The following ADAMTS10 variants were observed in gnomAD, a reference collection of about 807,000 sequenced individuals.
ADAMTS10 encodes the protein A disintegrin and metalloproteinase with thrombospondin motifs 10.
ADAMTS10 carries 48 observed loss-of-function variants against 135.9 expected under a neutral mutation model. That is an observed-to-expected ratio of 0.35 (90% confidence interval 0.28 to 0.45). The LOEUF is 0.45. Among genes scored for constraint, ADAMTS10 ranks in the 20% least tolerant of loss-of-function variants. The pLI is 1.00. For synonymous variants in ADAMTS10, 621 were observed against 647.5 expected, an observed-to-expected ratio of 0.96 and a Z score of 0.62; for missense variants, 1,131 against 1,565.2, an observed-to-expected ratio of 0.72 and a Z score of 4.68.
chr19:8,584,154 C>CAAAAAAAAAAAAAAAAAAAAAAACAA (rs34412373), intron 25 of ADAMTS10, among the ~76,000 whole-genome samples: 1 of 44,892 alleles, frequency 2.2e-5, no homozygotes, highest in Non-Finnish European at 4.2e-5. Context: ...GACTCCATCT[C>CAAAAAAAAAAAAAAAAAAAAAAACAA]AAAAAAAAAA....
rs1435631185 is a variant in ADAMTS10, at chr19:8,585,080, T to A, written c.3043-26A>T. On this transcript the variant is annotated intron_variant, in intron 24 of 25. Transcript: ENST00000597188. The stretch of plus-strand genomic sequence containing the variant: ...CTGCGAGGGGGCACCACTCAGTTGC[T>A]GCCCCGCAGCCCCTGCCCTGGCCCC... The A allele has an allele frequency of 6.0e-6, 9 of 1,498,036 alleles. No homozygotes were observed. The Admixed American group carries it at 1.9e-4, about 32-fold the overall frequency. 92.8% of individuals were successfully genotyped at this position (1,498,036 alleles called of 1,614,324 possible).
rs1555741928 is a variant in ADAMTS10 at position 8,603,745 on chromosome 19, G to C, written c.575C>G (p.Thr192Arg). 6.2e-7 allele frequency: 1 copy of C among 1,614,188 alleles called. No individual in the cohort carries two copies. The highest frequency in any genetic ancestry group is 8.5e-7 in the Non-Finnish European group (1 of 1,180,020). Residue 192 changes from threonine (T) to arginine (R), a missense_variant, in exon 5 of 26, where the codon ACA (threonine) becomes AGA (arginine). This residue lies in a region of ADAMTS10 where 306 missense variants were observed against 344.4 expected (regional missense o/e 0.89). Transcript: ENST00000597188. ...CGATGTACCTCTCACTCCACAGGCT[G>C]TGTCCAGGTGGGGGTGACGCAGAGA... is the stretch of plus-strand genomic sequence containing the variant. ...RSSLRHPHLD[T>R]ACGVRDEKPW...
intron 5 of ADAMTS10, 137 bp downstream of exon 5, chr19:8,603,591 T>C (rs1568406283): frequency 7.4e-7 from 1 of 1,348,186 alleles, no homozygotes; most frequent in Non-Finnish European, 1.0e-6. Flanking sequence ...CATAATTATA[T>C]CACTGTGTCC....
intron 25 of ADAMTS10, among the ~76,000 whole-genome samples, chr19:8,584,025 C>T (rs1402721372): frequency 4.0e-5 from 6 of 149,334 alleles, no homozygotes; most frequent in Non-Finnish European, 7.4e-5. Flanking sequence ...GGTGTGGTGG[C>T]GGGCACCTGT....
Position 8,589,587 on chromosome 19 carries a change from TG to T in ADAMTS10, c.1901-3del. ...TGAGCGAGCAGGCCTTCACGCCCCC[TG>T]GGGGGCACGGCCCCGTCACACCACG... On this transcript the variant is annotated splice_polypyrimidine_tract_variant and splice_region_variant and intron_variant, in intron 16 of 25. Transcript: ENST00000597188. 3 of 1,613,212 alleles carry T rather than the reference TG, an allele frequency of 1.9e-6. No homozygotes were observed. Among genetic ancestry groups the T allele is most frequent in the South Asian group, 2.2e-5 (2 of 91,080 alleles).
Position 8,605,441 on chromosome 19 carries a change from T to C in ADAMTS10, c.89-83A>G. ...CTGGCTGTTAGGCTGCTGGAGCAAG[T>C]GATGCTGGCCTCACTGACCCCCGAA... On this transcript the variant is annotated intron_variant, in intron 3 of 25. Transcript: ENST00000597188. The surrounding 1 kb of genome is among the most constrained non-coding windows in gnomAD (Gnocchi z 7.7). 1 of 1,490,730 alleles carries C rather than the reference T, an allele frequency of 6.7e-7. No individual in the cohort carries two copies. Among genetic ancestry groups the C allele is most frequent in the Non-Finnish European group, 9.1e-7 (1 of 1,096,654 alleles). 92.3% of individuals were successfully genotyped at this position (1,490,730 alleles called of 1,614,324 possible).
intron 19 of ADAMTS10, 30 bp from the exon 20 acceptor site, chr19:8,586,751 A>C: frequency 1.2e-6 from 2 of 1,614,032 alleles, no homozygotes; most frequent in Non-Finnish European, 1.7e-6. Context: ...TCAGAATTCT[A>C]GTCATGCTGA....
chr19:8,601,250 A>G lies in ADAMTS10; in HGVS notation c.593-105T>C. On this transcript the variant is annotated intron_variant, in intron 5 of 25. Transcript: ENST00000597188. This position sits in a 1 kb window ranked among gnomAD's most constrained non-coding sequence, Gnocchi z 4.6. ...CTGACTGGCTACCTCTCTACCCAAC[A>G]GTCTGGACAGACAATTTCTGGTCAT... The G allele has an allele frequency of 2.1e-5, 26 of 1,256,326 alleles. No individual in the cohort carries two copies. The highest frequency in any genetic ancestry group is 2.9e-5 in the Non-Finnish European group (26 of 891,668). 77.8% of individuals were successfully genotyped at this position (1,256,326 alleles called of 1,614,324 possible).
At chr19:8,592,691 C>T (rs2042555098) in intron 13 of ADAMTS10, 72 bp downstream of exon 13, 2 of 1,422,138 alleles carry the variant, frequency 1.4e-6, no homozygotes, top group South Asian at 2.4e-5. Flanking sequence ...GAAGGACAGG[C>T]GGGTAGGCGT....
chr19:8,581,728 G>C (rs994354907), intron 25 of ADAMTS10, among the ~76,000 whole-genome samples: 1 of 151,490 alleles, frequency 6.6e-6, no homozygotes, highest in African/African-American at 2.4e-5. Context: ...CCAGCTACTC[G>C]ACAGCCTGAG....
At position 8,596,885 on chromosome 19, in the gene ADAMTS10, C is replaced by T; in HGVS notation, c.1040+102G>A. ...CTCATGGGCAGCCCAAACTTCTCTG[C>T]TCCTCCTGACCCTAGCAGAAGTGAT... On this transcript the variant is annotated intron_variant, in intron 8 of 25. Transcript: ENST00000597188. This position sits in a 1 kb window ranked among gnomAD's most constrained non-coding sequence, Gnocchi z 7.2. 1.3e-6 allele frequency: 2 copies of T among 1,573,286 alleles called. No homozygotes were observed. Among genetic ancestry groups the T allele is most frequent in the Non-Finnish European group, 1.7e-6 (2 of 1,159,992 alleles).
intron 12 of ADAMTS10, 68 bp from the exon 13 acceptor site, chr19:8,592,938 G>T: frequency 6.9e-7 from 1 of 1,448,396 alleles, no homozygotes; most frequent in African/African-American, 1.4e-5. Context: ...CGCCCGGCTT[G>T]GGAGGACCCA....
intron 6 of ADAMTS10, among the ~76,000 whole-genome samples, chr19:8,600,715 G>A (rs377476432): frequency 5.7e-4 from 86 of 151,946 alleles, no homozygotes; most frequent in South Asian, 1.7e-3. Context: ...AGCCAGGATG[G>A]TCTCCATCTC....
chr19:8,589,269 C>T lies in ADAMTS10; in HGVS notation c.2131G>A (p.Val711Ile), dbSNP rs564996469. The T allele has an allele frequency of 1.6e-5, 25 of 1,612,516 alleles. No homozygotes were observed. The highest frequency in any genetic ancestry group is 2.7e-5 in the African/African-American group (2 of 75,034). The change falls in exon 18 of 26, where the codon GTC becomes ATC. Residue 711 changes from valine to isoleucine, a missense_variant. This residue lies in a region of ADAMTS10 where 745 missense variants were observed against 1,056.3 expected (regional missense o/e 0.71). Coordinates refer to ENST00000597188, the MANE Select transcript of ADAMTS10 (RefSeq NM_030957.4). ...GCCCCAGGTGAGGCTGGGCTGAAGA[C>T]GCCCTCGATGGTCTCGCAGGCACTG... ...DGSACETIEG[V>I]FSPASPGAGY...
chr19:8,597,958 C>T (rs909219981), intron 6 of ADAMTS10, among the ~76,000 whole-genome samples: 4 of 152,018 alleles, frequency 2.6e-5, no homozygotes, highest in South Asian at 2.1e-4. Context: ...CGTGAGCCAC[C>T]GTGCCCAGCC....
chr19:8,586,065 A>C (rs1321564537), intron 22 of ADAMTS10, 57 bp downstream of exon 22: 2 of 1,610,548 alleles, frequency 1.2e-6, no homozygotes, highest in Non-Finnish European at 1.7e-6. Flanking sequence ...CTCGCTCTTG[A>C]CTCCAGGGAG....
intron 15 of ADAMTS10, among the ~76,000 whole-genome samples, chr19:8,591,241 G>A (rs1269487023): frequency 1.3e-5 from 2 of 151,922 alleles, no homozygotes; most frequent in African/African-American, 2.4e-5. Context: ...GGTTGTGAGG[G>A]CCAAGCAGTG....
intron 23 of ADAMTS10, 39 bp from the exon 24 acceptor site, chr19:8,585,347 C>T (rs1555736724): frequency 1.3e-6 from 2 of 1,534,070 alleles, no homozygotes; most frequent in Admixed American, 2.0e-5. Context: ...AGGGTGCTGC[C>T]CCAGTGCGAA....
chr19:8,589,896 G>A lies in ADAMTS10; in HGVS notation c.1893C>T (p.Tyr631=), dbSNP rs1235872718. ...TTGGAGTCCCACACTCACCTCCCCGGTACGTTTTCCACTTGTAGAATTTCC... is the reference window on the plus strand; with the variant it reads ...TTGGAGTCCCACACTCACCTCCCCGATACGTTTTCCACTTGTAGAATTTCC... ...FRGKFYKWKT[Y]RGGGVKACSL... is the part of the protein sequence containing the mutation. Residue 631 remains tyrosine, a synonymous_variant, in exon 16 of 26, where the codon TAC becomes TAT. Coordinates refer to ENST00000597188, the MANE Select transcript of ADAMTS10 (RefSeq NM_030957.4). The A allele has an allele frequency of 1.9e-6, 3 of 1,613,740 alleles. No individual in the cohort carries two copies. Among genetic ancestry groups the A allele is most frequent in the Non-Finnish European group, 2.5e-6 (3 of 1,179,692 alleles).
Sources: gnomAD v4.1 joint callset for allele counts (sites outside exome capture counted in the v4.1 genomes callset) on GRCh38, gnomAD v4.1.1 for gene constraint, gnomAD v4.1.1 regional missense constraint, Gnocchi (gnomAD v3.1) non-coding constraint, MANE v1.5 for transcripts, NCBI Gene and HGNC (gene_info 2026-07-23, HGNC 2026-07-21) for gene names.